Variants in CHCHD3 observed in about 807,000 individuals in gnomAD.
CHCHD3 encodes MICOS complex subunit MIC19.
A neutral mutation model predicts 38.2 loss-of-function variants in CHCHD3; 20 were observed. That is an observed-to-expected ratio of 0.52 (90% confidence interval 0.37 to 0.76). The LOEUF (loss-of-function observed/expected upper bound fraction) is 0.76. Among genes scored for constraint, CHCHD3 ranks in the 30% least tolerant of loss-of-function variants. CHCHD3 has a pLI of 0.00. For synonymous variants in CHCHD3, 82 were observed against 100.0 expected, an observed-to-expected ratio of 0.82 and a Z score of 1.07; for missense variants, 245 against 279.2, an observed-to-expected ratio of 0.88 and a Z score of 0.87.
chr7:132,922,313 T>C (rs776568930), intron 4 of CHCHD3, among the ~76,000 whole-genome samples: 1 of 152,180 alleles, frequency 6.6e-6, no homozygotes, highest in African/African-American at 2.4e-5. Context: ...AATCTGTTCA[T>C]AGGCATTAAA....
intron 5 of CHCHD3, among the ~76,000 whole-genome samples, chr7:132,841,507 C>T (rs934095498): frequency 8.6e-5 from 13 of 150,816 alleles, no homozygotes; most frequent in African/African-American, 9.7e-5. Flanking sequence ...ACTGGGTATT[C>T]GTACAGTGAA....
intron 5 of CHCHD3, among the ~76,000 whole-genome samples, chr7:132,883,395 C>T (rs1160531281): frequency 2.0e-5 from 3 of 152,142 alleles, no homozygotes; most frequent in East Asian, 1.9e-4. Flanking sequence ...AAATAAGATG[C>T]TCCACATTAC....
chr7:133,033,267 T>C (rs900653614), intron 2 of CHCHD3, among the ~76,000 whole-genome samples: 2 of 152,132 alleles, frequency 1.3e-5, no homozygotes, highest in Non-Finnish European at 2.9e-5. Context: ...AACAACTAAG[T>C]TCTCAGCCAG....
chr7:132,978,425 GACA>G lies in CHCHD3; in HGVS notation c.252-3142_252-3140del, dbSNP rs1255089923. ...TCCCTCTTGTCCATAGCTCCATAAG[GACA>G]ACGATTTGCCCTATTTTTGTTCACT... On this transcript the variant is annotated intron_variant, in intron 3 of 7. Transcript: ENST00000262570. Among the ~76,000 whole-genome samples the G allele has an allele frequency of 5.9e-5, 9 of 152,144 alleles. No homozygotes were observed. In the East Asian group the frequency reaches 9.6e-4, roughly 16 times the overall value.
At chr7:133,013,907 T>C (rs1812952568) in intron 3 of CHCHD3, among the ~76,000 whole-genome samples, 1 of 152,194 alleles carries the variant, frequency 6.6e-6, no homozygotes, top group Non-Finnish European at 1.5e-5. Context: ...ACAATATCCA[T>C]GTTTTCAGTT....
intron 6 of CHCHD3, among the ~76,000 whole-genome samples, chr7:132,836,897 G>A (rs1807796515): frequency 6.6e-6 from 1 of 152,256 alleles, no homozygotes; most frequent in East Asian, 1.9e-4. Flanking sequence ...ATCTTCCCAT[G>A]ACTCATTGCT....
chr7:132,800,976 GGTCTAATTCCTATAGCACAATGCAAAAA>G (rs2117036093), intron 6 of CHCHD3, among the ~76,000 whole-genome samples: 1 of 152,206 alleles, frequency 6.6e-6, no homozygotes, highest in South Asian at 2.1e-4. Context: ...CAAATCTTTA[GGTCTAATTCCTATAGCACAATGCAAAAA>G]CTTTAATTTT....
intron 5 of CHCHD3, among the ~76,000 whole-genome samples, chr7:132,878,493 A>G (rs1409915802): frequency 1.3e-5 from 2 of 152,224 alleles, no homozygotes; most frequent in Non-Finnish European, 2.9e-5. Flanking sequence ...CTTAGAATTT[A>G]ATTAGCAACT....
At chr7:132,975,976 C>A (rs150659042) in intron 3 of CHCHD3, among the ~76,000 whole-genome samples, 1 of 151,200 alleles carries the variant, frequency 6.6e-6, no homozygotes, top group Non-Finnish European at 1.5e-5. Flanking sequence ...AGGTAACCAT[C>A]GTCTCTTTCT....
At chr7:132,907,899 G>A (rs151134099) in intron 4 of CHCHD3, among the ~76,000 whole-genome samples, 71 of 152,108 alleles carry the variant, frequency 4.7e-4, no homozygotes, top group African/African-American at 1.6e-3. Flanking sequence ...ATTCTAGTGA[G>A]AGGGCAGTGA....
At chr7:132,815,607 G>A (rs1353231613) in intron 6 of CHCHD3, 13 of 455,742 alleles carry the variant, frequency 2.9e-5, no homozygotes, top group Admixed American at 2.4e-4. Context: ...GTCCTGTTTT[G>A]TGATATTTCA....
intron 7 of CHCHD3, among the ~76,000 whole-genome samples, chr7:132,789,018 G>C (rs996318288): frequency 3.3e-5 from 5 of 152,124 alleles, no homozygotes; most frequent in Admixed American, 1.3e-4. Context: ...CCAGCTATGC[G>C]ACAAAACCTG....
intron 2 of CHCHD3, among the ~76,000 whole-genome samples, chr7:133,042,074 A>G (rs1370933849): frequency 1.3e-5 from 2 of 152,230 alleles, no homozygotes; most frequent in Non-Finnish European, 2.9e-5. Context: ...TAAGCATGCA[A>G]TGACAGAACT....
chr7:133,043,084 T>A (rs898873617), intron 2 of CHCHD3, among the ~76,000 whole-genome samples: 5 of 152,046 alleles, frequency 3.3e-5, no homozygotes, highest in Non-Finnish European at 7.4e-5. Context: ...TCCAGGCTGG[T>A]CTCAAACTTC....
chr7:133,027,106 T>C (rs572065841), intron 2 of CHCHD3, among the ~76,000 whole-genome samples: 3 of 151,452 alleles, frequency 2.0e-5, no homozygotes, highest in African/African-American at 4.9e-5. Flanking sequence ...CCCAGCTAAT[T>C]TGTGTTATTT....
chr7:132,808,273 T>C (rs1806982541), intron 6 of CHCHD3, among the ~76,000 whole-genome samples: 1 of 152,206 alleles, frequency 6.6e-6, no homozygotes. Context: ...ATTCATGAAA[T>C]TGTAAGTTGG....
At chr7:133,053,019 C>A (rs1814212696) in intron 2 of CHCHD3, among the ~76,000 whole-genome samples, 1 of 152,176 alleles carries the variant, frequency 6.6e-6, no homozygotes, top group East Asian at 1.9e-4. Flanking sequence ...GGGAATTGCC[C>A]AAGAAAGACT....
At chr7:133,045,060 G>A (rs1451100381) in intron 2 of CHCHD3, among the ~76,000 whole-genome samples, 2 of 152,152 alleles carry the variant, frequency 1.3e-5, no homozygotes, top group Non-Finnish European at 1.5e-5. Context: ...AACAGCATCC[G>A]AGTTACTTAG....
chr7:133,057,050 G>A (rs1814361135), intron 2 of CHCHD3, among the ~76,000 whole-genome samples: 1 of 152,140 alleles, frequency 6.6e-6, no homozygotes, highest in Non-Finnish European at 1.5e-5. Context: ...CTGAAAGCAT[G>A]CAATCACATT....
Sources: allele counts gnomAD v4.1 joint callset (sites outside exome capture counted in the v4.1 genomes callset), GRCh38; gene constraint gnomAD v4.1.1; transcripts MANE v1.5; gene names NCBI Gene and HGNC (gene_info 2026-07-23, HGNC 2026-07-21).